Variants in TNFSF13B observed in about 807,000 individuals in gnomAD.
TNFSF13B encodes TNF superfamily member 13b.
In TNFSF13B, 8 loss-of-function variants were observed where a neutral mutation model predicts 29.1. The observed-to-expected ratio is 0.27, with a 90% CI of 0.16 to 0.50. The LOEUF is 0.50. TNFSF13B is among the 20% of genes least tolerant of loss of function. The pLI, the probability that TNFSF13B is intolerant of heterozygous loss-of-function variation, is 0.98. For synonymous variants in TNFSF13B, 125 were observed against 130.8 expected, an observed-to-expected ratio of 0.96 and a Z score of 0.30; for missense variants, 248 against 334.9, an observed-to-expected ratio of 0.74 and a Z score of 2.03.
chr13:108,289,091 C>CAGA (rs3075942), intron 3 of TNFSF13B, among the ~76,000 whole-genome samples: 32,219 of 151,988 alleles, frequency 0.21, 4,077 homozygotes, highest in East Asian at 0.43. Flanking sequence ...AAAAGAAAGC[C>CAGA]AGAAGATCTT....
At chr13:108,290,124 C>T (rs751109832) in intron 3 of TNFSF13B, among the ~76,000 whole-genome samples, 74 of 152,068 alleles carry the variant, frequency 4.9e-4, no homozygotes, top group Non-Finnish European at 1.9e-4. Flanking sequence ...CACTTAAAAA[C>T]CATATTTTCA....
Position 108,307,952 on chromosome 13 carries a change from G to A in TNFSF13B, c.*1014G>A, listed in dbSNP as rs1252013907. On this transcript the variant is annotated 3_prime_UTR_variant, in exon 6 of 6. Transcript: ENST00000375887. ...TTGGCATCCTGAAGTATGTCACATA[G>A]CATGTGCTCCTTATAAATATGTTGA... 6.6e-6 allele frequency: 1 copy of A among 151,974 alleles called. No homozygotes were observed. Among genetic ancestry groups the A allele is most frequent in the East Asian group, 1.9e-4 (1 of 5,184 alleles). The allele number at this position is 151,974 out of a possible 1,614,324, so 9.4% of individuals were successfully genotyped here.
intron 2 of TNFSF13B, among the ~76,000 whole-genome samples, chr13:108,284,387 CAAT>C (rs1044451671): frequency 1.3e-5 from 2 of 151,192 alleles, no homozygotes; most frequent in South Asian, 2.1e-4. Flanking sequence ...AACAAACAAA[CAAT>C]AAAAAAAGAC....
rs530278131 is a variant in TNFSF13B, at chr13:108,287,615, C to G, written c.481+756C>G. Among the ~76,000 whole-genome samples the G allele has an allele frequency of 5.3e-5, 8 of 152,194 alleles. No homozygotes were observed. In the South Asian group the frequency reaches 1.7e-3, roughly 32 times the overall value. ...CAGCATTTTATCTTTAAGAATGACT[C>G]AAGACCATCTTCACAAATATGAATT... is the stretch of plus-strand genomic sequence containing the variant. On this transcript the variant is annotated intron_variant, in intron 3 of 5. Coordinates refer to ENST00000375887, the MANE Select transcript of TNFSF13B (RefSeq NM_006573.5).
chr13:108,277,448 G>A (rs1214415646), intron 2 of TNFSF13B, among the ~76,000 whole-genome samples: 5 of 152,110 alleles, frequency 3.3e-5, no homozygotes, highest in Admixed American at 2.0e-4. Flanking sequence ...TGGGTCGGGG[G>A]TTTCTGTACT....
At chr13:108,288,293 A>G (rs1594525631) in intron 3 of TNFSF13B, among the ~76,000 whole-genome samples, 1 of 152,336 alleles carries the variant, frequency 6.6e-6, no homozygotes, top group East Asian at 1.9e-4. Flanking sequence ...TATTTTAATT[A>G]CTGTATGTTT....
At chr13:108,286,299 A>C (rs1881126764) in intron 2 of TNFSF13B, among the ~76,000 whole-genome samples, 1 of 151,810 alleles carries the variant, frequency 6.6e-6, no homozygotes, top group Admixed American at 6.6e-5. Flanking sequence ...AAAGGAAGTG[A>C]TATATACTGT....
chr13:108,289,642 AT>A (rs1223803474), intron 3 of TNFSF13B, among the ~76,000 whole-genome samples: 1 of 148,230 alleles, frequency 6.7e-6, no homozygotes, highest in Non-Finnish European at 1.5e-5. Flanking sequence ...ATTTATATAT[AT>A]AAATATTATT....
intron 2 of TNFSF13B, among the ~76,000 whole-genome samples, chr13:108,285,644 TA>T (rs1244601288): frequency 4.6e-5 from 7 of 152,232 alleles, no homozygotes; most frequent in Non-Finnish European, 7.3e-5. Context: ...CTCATTGACC[TA>T]AATATTATGC....
chr13:108,284,035 A>G (rs573216671), intron 2 of TNFSF13B, among the ~76,000 whole-genome samples: 1 of 152,274 alleles, frequency 6.6e-6, no homozygotes, highest in South Asian at 2.1e-4. Flanking sequence ...GGGTGACTTG[A>G]AATAGGAAGT....
At position 108,270,439 on chromosome 13, in the gene TNFSF13B, C is replaced by G; in HGVS notation, c.424+15C>G. The G allele has an allele frequency of 1.2e-6, 2 of 1,612,588 alleles. No homozygotes were observed. The highest frequency in any genetic ancestry group is 1.7e-6 in the Non-Finnish European group (2 of 1,178,618). ...AGAAGAAACAGGTATGTTTTGGGCA[C>G]AGACACTTTTAGGAGTCAGGGATTA... On this transcript the variant is annotated intron_variant, in intron 2 of 5. Transcript: ENST00000375887.
chr13:108,284,310 CAG>C (rs2139052040), intron 2 of TNFSF13B, among the ~76,000 whole-genome samples: 1 of 152,108 alleles, frequency 6.6e-6, no homozygotes, highest in East Asian at 1.9e-4. Context: ...GCCTGGGCGA[CAG>C]AGCGAGACTC....
chr13:108,286,074 G>C (rs1327906366), intron 2 of TNFSF13B, among the ~76,000 whole-genome samples: 2 of 152,178 alleles, frequency 1.3e-5, no homozygotes, highest in Non-Finnish European at 2.9e-5. Context: ...GCACTTGCAT[G>C]GAAGTCTTCC....
intron 5 of TNFSF13B, among the ~76,000 whole-genome samples, chr13:108,306,148 A>G (rs1881770011): frequency 6.6e-6 from 1 of 152,066 alleles, no homozygotes; most frequent in South Asian, 2.1e-4. Flanking sequence ...GTCCTTGTAA[A>G]TTAGTTGCAC....
rs961691302 is a variant in TNFSF13B at position 108,286,836 on chromosome 13, G to A, written c.458G>A (p.Ser153Asn). Reference sequence around the variant, plus strand: ...GACTGCTTGCAACTGATTGCAGACAGTGAAACACCAACTATACAAAAAGGT... The same window carrying A: ...GACTGCTTGCAACTGATTGCAGACAATGAAACACCAACTATACAAAAAGGT... ...TQDCLQLIADSETPTIQKGSY... is the reference protein window; with the variant it reads ...TQDCLQLIADNETPTIQKGSY... Residue 153 changes from serine to asparagine, a missense_variant, in exon 3 of 6, where the codon AGT becomes AAT. Physicochemically the swap from Ser to Asn is conservative, Grantham distance 46. Coordinates refer to ENST00000375887, the MANE Select transcript of TNFSF13B (RefSeq NM_006573.5). 6.4e-7 allele frequency: 1 copy of A among 1,572,258 alleles called. No individual in the cohort carries two copies. The highest frequency in any genetic ancestry group is 2.3e-5 in the East Asian group (1 of 43,636).
intron 2 of TNFSF13B, among the ~76,000 whole-genome samples, chr13:108,283,443 A>G (rs112614544): frequency 0.022 from 3,333 of 152,286 alleles, 46 homozygotes; most frequent in Middle Eastern, 0.034. Flanking sequence ...TTTCTCTTTA[A>G]AGCACATTTT....
At position 108,307,016 on chromosome 13, in the gene TNFSF13B, CAAAAAAAAAAA is replaced by C. The variant is rs58093140; in HGVS notation, c.*99_*109del. On this transcript the variant is annotated 3_prime_UTR_variant, in exon 6 of 6. Coordinates refer to ENST00000375887, the MANE Select transcript of TNFSF13B (RefSeq NM_006573.5). ...GAAGAAAGAATCTAACTGAAAATAC[CAAAAAAAAAAA>C]AAAAAAAAAAAAAAAAAAAAGTAGT... 3.4e-3 allele frequency: 262 copies of C among 76,602 alleles called. No individual in the cohort carries two copies. The highest frequency in any genetic ancestry group is 6.3e-3 in the Middle Eastern group (1 of 158). 4.7% of individuals were successfully genotyped at this position (76,602 alleles called of 1,614,324 possible).
intron 2 of TNFSF13B, among the ~76,000 whole-genome samples, chr13:108,286,157 T>A (rs1881122008): frequency 6.6e-6 from 1 of 152,234 alleles, no homozygotes; most frequent in African/African-American, 2.4e-5. Flanking sequence ...AGCTTGACTT[T>A]GGATCCAGAG....
At chr13:108,283,066 C>G (rs1881003841) in intron 2 of TNFSF13B, among the ~76,000 whole-genome samples, 1 of 152,134 alleles carries the variant, frequency 6.6e-6, no homozygotes, top group Admixed American at 6.5e-5. Context: ...AATAATATTG[C>G]CATTTTTGCT....
Sources: gnomAD v4.1 joint callset for allele counts (sites outside exome capture counted in the v4.1 genomes callset) on GRCh38, gnomAD v4.1.1 for gene constraint, MANE v1.5 for transcripts, NCBI Gene and HGNC (gene_info 2026-07-23, HGNC 2026-07-21) for gene names.